The following PHF24 variants were observed in gnomAD, a reference collection of about 807,000 sequenced individuals.
The protein encoded by PHF24 is Galpha inhibitory interacting protein.
In PHF24, 25 loss-of-function variants were observed where a neutral mutation model predicts 42.6. The observed-to-expected ratio is 0.59, with a 90% CI of 0.43 to 0.82. The LOEUF (loss-of-function observed/expected upper bound fraction) is 0.82. Ranked by LOEUF, PHF24 falls within the 40% of genes least tolerant of loss-of-function variation. The pLI is 0.00. For missense variants in PHF24, 470 were observed against 538.1 expected (o/e 0.87, Z 1.25); for synonymous variants, 185 against 204.8 (o/e 0.90, Z 0.83).
the PHF24 span, among the ~76,000 whole-genome samples, chr9:34,827,973 G>A: frequency 6.6e-6 from 1 of 152,010 alleles, no homozygotes; most frequent in Non-Finnish European, 1.5e-5. Flanking sequence ...CTGCTGCACA[G>A]ATATCAGCAG....
the PHF24 span, chr9:34,889,427 A>C: frequency 2.5e-6 from 1 of 398,640 alleles, no homozygotes; most frequent in Non-Finnish European, 4.4e-6. Context: ...GCTGAGCCTC[A>C]GGGTCCTCTG....
chr9:34,789,542 A>G, the PHF24 span, among the ~76,000 whole-genome samples: 3 of 152,112 alleles, frequency 2.0e-5, no homozygotes. Flanking sequence ...TTGAAGTTGG[A>G]GTGGGCCAGT....
chr9:34,677,248 GA>G, the PHF24 span, among the ~76,000 whole-genome samples: 1 of 152,018 alleles, frequency 6.6e-6, no homozygotes, highest in East Asian at 1.9e-4. Flanking sequence ...GTCCATATTG[GA>G]TTCCTCTTCT....
the PHF24 span, among the ~76,000 whole-genome samples, chr9:34,681,454 C>T: frequency 1.9e-4 from 3 of 15,978 alleles, no homozygotes; most frequent in African/African-American, 4.5e-4. Context: ...CCCCCAAATT[C>T]GTATGTTTAG....
chr9:34,833,330 G>A, the PHF24 span: 62 of 1,551,198 alleles, frequency 4.0e-5, no homozygotes, highest in African/African-American at 5.5e-5. Flanking sequence ...CTTGGAGACC[G>A]AGTGGGCAGA....
the PHF24 span, among the ~76,000 whole-genome samples, chr9:34,721,399 TTCTC>T: frequency 0.38 from 52,195 of 138,958 alleles, 11,004 homozygotes; most frequent in East Asian, 0.6. Context: ...TGTCTTTCCA[TTCTC>T]TCTCTCTCTC....
chr9:34,670,311 A>T, the PHF24 span, among the ~76,000 whole-genome samples: 1 of 152,202 alleles, frequency 6.6e-6, no homozygotes, highest in East Asian at 1.9e-4. Flanking sequence ...AGTTGGCCAG[A>T]AATGTGGGTG....
chr9:34,915,641 T>C, the PHF24 span, among the ~76,000 whole-genome samples: 2 of 152,164 alleles, frequency 1.3e-5, no homozygotes, highest in African/African-American at 4.8e-5. Flanking sequence ...ATGGAACATG[T>C]GGACATTTCT....
At chr9:34,799,571 A>G in the PHF24 span, among the ~76,000 whole-genome samples, 1 of 152,166 alleles carries the variant, frequency 6.6e-6, no homozygotes, top group African/African-American at 2.4e-5. Context: ...TGTGGTCCAG[A>G]CCAATTGACA....
chr9:34,860,643 A>G, the PHF24 span, among the ~76,000 whole-genome samples: 1 of 151,898 alleles, frequency 6.6e-6, no homozygotes, highest in Non-Finnish European at 1.5e-5. Context: ...CTTGATTTTA[A>G]TGGGTCTGTA....
At chr9:34,708,119 C>T in the PHF24 span, among the ~76,000 whole-genome samples, 1,858 of 152,206 alleles carry the variant, frequency 0.012, 26 homozygotes, top group Admixed American at 0.027. Context: ...CTACTCTCCC[C>T]GCCTGGAGGT....
the PHF24 span, among the ~76,000 whole-genome samples, chr9:34,751,007 A>G: frequency 1.3e-5 from 2 of 152,220 alleles, no homozygotes; most frequent in Non-Finnish European, 2.9e-5. Flanking sequence ...TCACCTATAA[A>G]GACACATATG....
At chr9:34,973,187 G>A (rs758121721) in intron 3 of PHF24, among the ~76,000 whole-genome samples, 2 of 152,118 alleles carry the variant, frequency 1.3e-5, no homozygotes, top group Non-Finnish European at 2.9e-5. Flanking sequence ...TCTGCTTGGA[G>A]CAGTTCTTTC....
At chr9:34,695,328 G>A in the PHF24 span, among the ~76,000 whole-genome samples, 1 of 152,252 alleles carries the variant, frequency 6.6e-6, no homozygotes, top group Non-Finnish European at 1.5e-5. Context: ...AGGGTGCCCA[G>A]AGAGGGCATG....
chr9:34,679,687 C>T, the PHF24 span, among the ~76,000 whole-genome samples: 14 of 152,152 alleles, frequency 9.2e-5, no homozygotes, highest in Non-Finnish European at 1.9e-4. Flanking sequence ...TGCACTCTAG[C>T]CTGGTGACAG....
At chr9:34,919,592 T>G in the PHF24 span, among the ~76,000 whole-genome samples, 1 of 152,084 alleles carries the variant, frequency 6.6e-6, no homozygotes, top group African/African-American at 2.4e-5. Context: ...TAGTTATTTT[T>G]TAATGTACAA....
the PHF24 span, among the ~76,000 whole-genome samples, chr9:34,821,898 C>T: frequency 6.6e-6 from 1 of 152,070 alleles, no homozygotes; most frequent in Non-Finnish European, 1.5e-5. Flanking sequence ...TCAATAAGGC[C>T]AAATCCCTTC....
At chr9:34,731,177 G>C in the PHF24 span, among the ~76,000 whole-genome samples, 137 of 152,028 alleles carry the variant, frequency 9.0e-4, no homozygotes, top group African/African-American at 3.2e-3. Flanking sequence ...TATATTTATG[G>C]GGTATGTGAG....
At chr9:34,823,194 C>G in the PHF24 span, among the ~76,000 whole-genome samples, 1 of 105,742 alleles carries the variant, frequency 9.5e-6, no homozygotes, top group Admixed American at 1.3e-4. Context: ...CATAGCGAGA[C>G]TCCGTCTCAA....
Sources: gnomAD v4.1 joint callset for allele counts (sites outside exome capture counted in the v4.1 genomes callset) on GRCh38, gnomAD v4.1.1 for gene constraint, MANE v1.5 for transcripts, NCBI Gene and HGNC (gene_info 2026-07-23, HGNC 2026-07-21) for gene names.